Variants in PIK3AP1 observed in about 807,000 individuals in gnomAD.
PIK3AP1 encodes the protein phosphoinositide 3-kinase adapter protein 1.
In PIK3AP1, 21 loss-of-function variants were observed where a neutral mutation model predicts 88.1. The observed-to-expected ratio is 0.24, with a 90% CI of 0.17 to 0.34. PIK3AP1 has a LOEUF of 0.34. PIK3AP1 is among the 10% of genes least tolerant of loss of function. The pLI is 1.00. For synonymous variants in PIK3AP1, 398 were observed against 400.0 expected (o/e 1.00, Z 0.06); for missense variants, 828 against 1,035.7 (o/e 0.80, Z 2.75).
chr10:96,663,161 G>A (rs1843715895), intron 2 of PIK3AP1, among the ~76,000 whole-genome samples: 1 of 151,996 alleles, frequency 6.6e-6, no homozygotes, highest in Non-Finnish European at 1.5e-5. Flanking sequence ...TGGGACAATA[G>A]CTAAGAGGTA....
chr10:96,623,423 T>A, intron 11 of PIK3AP1, 49 bp downstream of exon 11: 2 of 1,504,460 alleles, frequency 1.3e-6, no homozygotes, highest in Non-Finnish European at 9.2e-7. Flanking sequence ...CACTGACCTA[T>A]GAACACTTCA....
intron 2 of PIK3AP1, among the ~76,000 whole-genome samples, chr10:96,660,001 T>TATTATTTTTAATATTTTATATTAA (rs2134242111): frequency 6.6e-6 from 1 of 152,148 alleles, no homozygotes; most frequent in Non-Finnish European, 1.5e-5. Flanking sequence ...TAATAAAGGA[T>TATTATTTTTAATATTTTATATTAA]AGTCCTATTT....
intron 1 of PIK3AP1, among the ~76,000 whole-genome samples, chr10:96,712,687 G>A (rs905478521): frequency 2.6e-5 from 4 of 152,238 alleles, no homozygotes; most frequent in African/African-American, 9.6e-5. Context: ...AGAGGCAAAC[G>A]TTCTTCTAAG....
intron 14 of PIK3AP1, among the ~76,000 whole-genome samples, chr10:96,605,519 C>G (rs970474381): frequency 6.6e-6 from 1 of 152,138 alleles, no homozygotes; most frequent in African/African-American, 2.4e-5. Context: ...GAGATCTTAA[C>G]TTTAATTTTC....
At chr10:96,688,803 A>AAAAG (rs536109642) in intron 2 of PIK3AP1, among the ~76,000 whole-genome samples, 95 of 151,942 alleles carry the variant, frequency 6.3e-4, no homozygotes, top group East Asian at 3.1e-3. Context: ...TGTCTCAAAA[A>AAAAG]AAAGAAAGAA....
rs555444079 is a variant in PIK3AP1 at position 96,594,551 on chromosome 10, G to A, written c.*1026C>T. 9.9e-5 allele frequency: 15 copies of A among 152,194 alleles called. No homozygotes were observed. The highest frequency in any genetic ancestry group is 9.8e-4 in the Admixed American group (15 of 15,280). The allele number at this position is 152,194 out of a possible 1,614,324, so 9.4% of individuals were successfully genotyped here. A position where few individuals can be genotyped will look rare whatever the true frequency, so the allele number is the denominator to read the frequency against. On this transcript the variant is annotated 3_prime_UTR_variant, in exon 17 of 17. Transcript: ENST00000339364. The surrounding 1 kb of genome is among the most constrained non-coding windows in gnomAD (Gnocchi z 4.6). Reference sequence around the variant, plus strand: ...AACCCATGGATTTGAAAGGCTGACTGTATTTCTATTTTAGGTTTGTTTTTC... The same window carrying A: ...AACCCATGGATTTGAAAGGCTGACTATATTTCTATTTTAGGTTTGTTTTTC...
chr10:96,675,064 T>C (rs1209602851), intron 2 of PIK3AP1, among the ~76,000 whole-genome samples: 1 of 152,136 alleles, frequency 6.6e-6, no homozygotes, highest in Non-Finnish European at 1.5e-5. Flanking sequence ...AGCTAATTGT[T>C]GTATTTTTAG....
At position 96,709,581 on chromosome 10, in the gene PIK3AP1, T is replaced by C. The variant is rs750422147; in HGVS notation, c.416A>G (p.Lys139Arg). 1 of 1,604,626 alleles carries C rather than the reference T, an allele frequency of 6.2e-7. No homozygotes were observed. Among genetic ancestry groups the C allele is most frequent in the Admixed American group, 1.7e-5 (1 of 58,624 alleles). ...EPETYVAAVK[K>R]AISEDSGCDS... ...GAAATCCTTACCTTCGGAAATGGCT[T>C]TTTTCACAGCTGCCACGTAGGTCTC... Residue 139 changes from lysine (K) to arginine (R), a missense_variant, in exon 2 of 17, where the codon AAA (lysine) becomes AGA (arginine). Physicochemically the swap from Lys to Arg is conservative, Grantham distance 26. This residue lies in a region of PIK3AP1 where 610 missense variants were observed against 760.1 expected (regional missense o/e 0.80). Transcript: ENST00000339364.
chr10:96,620,404 T>C lies in PIK3AP1; in HGVS notation c.1889A>G (p.Lys630Arg), dbSNP rs1475072348. The change falls in exon 12 of 17, where the codon AAA (lysine) becomes AGA (arginine). Residue 630 changes from lysine (K) to arginine (R), a missense_variant. By Grantham distance (26) the Lys-to-Arg change is conservative. Around this residue, in one of 3 missense-constraint regions of PIK3AP1, gnomAD observed 27 missense variants for 67.1 expected, o/e 0.40. Transcript: ENST00000339364. ...TTTCTTCTGGTTGAGCTGCCACTCT[T>C]TGAAGTGGAGCACAGCCTCATCCAC... ...VNVDEAVLHF[K>R]EWQLNQKKRS... 2 of 1,614,082 alleles carry C rather than the reference T, an allele frequency of 1.2e-6. No individual in the cohort carries two copies. The highest frequency in any genetic ancestry group is 1.7e-6 in the Non-Finnish European group (2 of 1,180,040).
chr10:96,595,786 T>C, intron 16 of PIK3AP1, 152 bp from the exon 17 acceptor site: 1 of 742,832 alleles, frequency 1.3e-6, no homozygotes, highest in Non-Finnish European at 2.3e-6. Flanking sequence ...GTGACACGCA[T>C]GCTAGCTGTG....
chr10:96,710,387 A>T (rs1339182235), intron 1 of PIK3AP1, among the ~76,000 whole-genome samples: 4 of 151,886 alleles, frequency 2.6e-5, no homozygotes, highest in African/African-American at 9.7e-5. Context: ...ACGCCAAGCT[A>T]ATTTTTGTAG....
chr10:96,604,025 G>C lies in PIK3AP1; in HGVS notation c.2195C>G (p.Thr732Ser), dbSNP rs201973948. The C allele has an allele frequency of 1.2e-6, 2 of 1,607,130 alleles. No homozygotes were observed. Among genetic ancestry groups the C allele is most frequent in the East Asian group, 4.5e-5 (2 of 44,692 alleles). ...TASSTSNRSS[T>S]RSLLSVSSGM... ...GCTGCTCACACTGAGGAGGCTCCGG[G>C]TGCTGGAGCGGTTACTTGTGCTACC... The change falls in exon 15 of 17, where the codon ACC becomes AGC. Residue 732 changes from threonine to serine, a missense_variant. This residue lies in a region of PIK3AP1 where 191 missense variants were observed against 208.6 expected (regional missense o/e 0.92). Coordinates refer to ENST00000339364, the MANE Select transcript of PIK3AP1 (RefSeq NM_152309.3).
intron 2 of PIK3AP1, among the ~76,000 whole-genome samples, chr10:96,677,578 T>TAC (rs35018772): frequency 0.18 from 22,324 of 120,936 alleles, 1,777 homozygotes; most frequent in South Asian, 0.23. Context: ...ACTAAGCACA[T>TAC]ACACACACAC....
At chr10:96,705,988 G>T (rs1844358793) in intron 2 of PIK3AP1, among the ~76,000 whole-genome samples, 1 of 139,802 alleles carries the variant, frequency 7.2e-6, no homozygotes, top group Non-Finnish European at 1.5e-5. Context: ...CCGCCTCCCA[G>T]GTTCACGCCA....
At chr10:96,717,461 G>A (rs1844517026) in intron 1 of PIK3AP1, among the ~76,000 whole-genome samples, 1 of 152,180 alleles carries the variant, frequency 6.6e-6, no homozygotes, top group Non-Finnish European at 1.5e-5. Context: ...GATAAGGAGA[G>A]ATGTGGTCAA....
rs906034053 is a variant in PIK3AP1, at chr10:96,710,689, C to T, written c.14-706G>A. On this transcript the variant is annotated intron_variant, in intron 1 of 16. Coordinates refer to ENST00000339364, the MANE Select transcript of PIK3AP1 (RefSeq NM_152309.3). ...GGTTACTATGTTCCAGGCACTCTTC[C>T]AAGCACATTGCCTACTAAACTCATT... Among the ~76,000 whole-genome samples the T allele has an allele frequency of 2.3e-4, 35 of 152,270 alleles. 1 individual carries two copies. The highest frequency in any genetic ancestry group is 7.2e-4 in the African/African-American group (30 of 41,548).
intron 16 of PIK3AP1, among the ~76,000 whole-genome samples, chr10:96,597,380 CTT>C: frequency 2.5e-5 from 2 of 79,074 alleles, no homozygotes; most frequent in Non-Finnish European, 4.7e-5. Flanking sequence ...CTCTCTCTTT[CTT>C]TCTTTCTTTC....
intron 2 of PIK3AP1, among the ~76,000 whole-genome samples, chr10:96,677,877 C>T (rs1483239668): frequency 2.0e-5 from 3 of 152,082 alleles, no homozygotes; most frequent in African/African-American, 4.8e-5. Flanking sequence ...AGAGTTTTTG[C>T]AAAGGTCTTG....
At chr10:96,621,950 G>T (rs1273673500) in intron 11 of PIK3AP1, among the ~76,000 whole-genome samples, 1 of 152,156 alleles carries the variant, frequency 6.6e-6, no homozygotes, top group Non-Finnish European at 1.5e-5. Flanking sequence ...TTTAGGGAGG[G>T]GGTACAAAAT....
Sources: gnomAD v4.1 joint callset for allele counts (sites outside exome capture counted in the v4.1 genomes callset) on GRCh38, gnomAD v4.1.1 for gene constraint, gnomAD v4.1.1 regional missense constraint, Gnocchi (gnomAD v3.1) non-coding constraint, MANE v1.5 for transcripts, NCBI Gene and HGNC (gene_info 2026-07-23, HGNC 2026-07-21) for gene names.